Variants in PPARGC1A observed in about 807,000 individuals in gnomAD.
The protein encoded by PPARGC1A is peroxisome proliferator-activated receptor gamma coactivator 1-alpha.
A neutral mutation model predicts 88.7 loss-of-function variants in PPARGC1A; 25 were observed. The ratio of observed to expected loss-of-function variants is 0.28; its 90% CI spans 0.21 to 0.39. PPARGC1A has a LOEUF of 0.39. Ranked by LOEUF, PPARGC1A falls within the 10% of genes least tolerant of loss-of-function variation. The probability of loss-of-function intolerance (pLI) is 1.00; values close to 1 mark genes in which losing one functional copy is unlikely to be tolerated. For synonymous variants in PPARGC1A, 363 were observed against 355.6 expected (o/e 1.02, Z -0.24); for missense variants, 880 against 968.7 (o/e 0.91, Z 1.22).
the PPARGC1A span, among the ~76,000 whole-genome samples, chr4:24,231,713 T>C: frequency 2.0e-5 from 3 of 152,176 alleles, no homozygotes; most frequent in Non-Finnish European, 4.4e-5. Context: ...CCGTTAACCA[T>C]TAGTTGGATA....
At chr4:23,960,779 G>A in the PPARGC1A span, among the ~76,000 whole-genome samples, 544 of 152,010 alleles carry the variant, frequency 3.6e-3, 4 homozygotes, top group African/African-American at 0.013. Context: ...CTGAGGCCTC[G>A]GGCTCCCCTT....
the PPARGC1A span, among the ~76,000 whole-genome samples, chr4:24,201,875 G>A: frequency 6.6e-6 from 1 of 151,418 alleles, no homozygotes; most frequent in Non-Finnish European, 1.5e-5. Flanking sequence ...TTTTTAGCAG[G>A]TGCAAAATAT....
At chr4:24,058,806 G>A in the PPARGC1A span, among the ~76,000 whole-genome samples, 6 of 152,196 alleles carry the variant, frequency 3.9e-5, no homozygotes, top group Middle Eastern at 3.4e-3. Context: ...TTAGCCGGGC[G>A]TGGTGGTGCA....
At chr4:23,997,762 G>A in the PPARGC1A span, among the ~76,000 whole-genome samples, 1 of 152,036 alleles carries the variant, frequency 6.6e-6, no homozygotes, top group Admixed American at 6.6e-5. Flanking sequence ...AAAGTGCTGG[G>A]ATTACAGGCG....
At chr4:23,986,287 G>T in the PPARGC1A span, among the ~76,000 whole-genome samples, 1 of 151,962 alleles carries the variant, frequency 6.6e-6, no homozygotes, top group Non-Finnish European at 1.5e-5. Context: ...ATTAGCTAGG[G>T]GAAAATAGAA....
the PPARGC1A span, among the ~76,000 whole-genome samples, chr4:24,261,761 TA>T: frequency 1.3e-5 from 2 of 151,818 alleles, no homozygotes; most frequent in African/African-American, 4.8e-5. Context: ...TTCTGACTAT[TA>T]AAGGGCCCCT....
At chr4:23,851,862 A>G (rs1293093958) in intron 2 of PPARGC1A, among the ~76,000 whole-genome samples, 9 of 152,188 alleles carry the variant, frequency 5.9e-5, no homozygotes, top group Non-Finnish European at 4.4e-5. Flanking sequence ...TAAGTATACT[A>G]CATCCAGTGC....
chr4:24,162,591 CTT>C, the PPARGC1A span, among the ~76,000 whole-genome samples: 19 of 128,016 alleles, frequency 1.5e-4, no homozygotes, highest in African/African-American at 1.8e-4. Context: ...TCCTTACTTC[CTT>C]TTTTTTTTTT....
chr4:24,120,229 C>G, the PPARGC1A span, among the ~76,000 whole-genome samples: 1 of 152,050 alleles, frequency 6.6e-6, no homozygotes, highest in East Asian at 1.9e-4. Flanking sequence ...TCCCAAACTC[C>G]GAGTCCCAGG....
At chr4:23,923,116 G>GTTTTTTT in the PPARGC1A span, among the ~76,000 whole-genome samples, 4 of 131,686 alleles carry the variant, frequency 3.0e-5, no homozygotes, top group East Asian at 2.2e-4. Context: ...TTTGTTGCTT[G>GTTTTTTT]TTTTTTTTTT....
chr4:24,288,726 G>A, the PPARGC1A span, among the ~76,000 whole-genome samples: 1 of 152,052 alleles, frequency 6.6e-6, no homozygotes, highest in Non-Finnish European at 1.5e-5. Flanking sequence ...TGCACCAACA[G>A]GATAAGAGGA....
the PPARGC1A span, among the ~76,000 whole-genome samples, chr4:24,437,440 T>C: frequency 6.6e-6 from 1 of 152,120 alleles, no homozygotes; most frequent in African/African-American, 2.4e-5. Flanking sequence ...TGCCATAGGC[T>C]TGGTATCCAA....
the PPARGC1A span, among the ~76,000 whole-genome samples, chr4:24,435,021 G>A: frequency 6.6e-6 from 1 of 152,220 alleles, no homozygotes; most frequent in Non-Finnish European, 1.5e-5. Context: ...AAATACGGCA[G>A]GTGACACAGA....
At chr4:24,171,211 T>A in the PPARGC1A span, among the ~76,000 whole-genome samples, 6 of 151,964 alleles carry the variant, frequency 3.9e-5, no homozygotes, top group African/African-American at 7.3e-5. Context: ...ATCGAGACCA[T>A]CCTGGCCAAC....
At chr4:24,068,748 A>T in the PPARGC1A span, among the ~76,000 whole-genome samples, 31 of 152,280 alleles carry the variant, frequency 2.0e-4, no homozygotes, top group African/African-American at 7.5e-4. Flanking sequence ...ATAAGTCTTG[A>T]AGGTGACACT....
At chr4:24,077,502 T>G in the PPARGC1A span, among the ~76,000 whole-genome samples, 1 of 152,158 alleles carries the variant, frequency 6.6e-6, no homozygotes, top group Non-Finnish European at 1.5e-5. Flanking sequence ...TAGCTCCAAG[T>G]AGTGTTTTTT....
chr4:24,079,037 C>G, the PPARGC1A span, among the ~76,000 whole-genome samples: 1,837 of 152,048 alleles, frequency 0.012, 36 homozygotes, highest in African/African-American at 0.041. Flanking sequence ...TAACCATTAA[C>G]CTATCATTGG....
At chr4:24,118,982 G>C in the PPARGC1A span, among the ~76,000 whole-genome samples, 1 of 152,120 alleles carries the variant, frequency 6.6e-6, no homozygotes, top group African/African-American at 2.4e-5. Context: ...CTTAATAGAA[G>C]GTGTTTCTAG....
At chr4:23,894,768 T>C (rs1440630079), upstream of PPARGC1A, among the ~76,000 whole-genome samples, 3 of 152,110 alleles carry the variant, frequency 2.0e-5, no homozygotes, top group African/African-American at 7.2e-5. Flanking sequence ...TAATCTAAAC[T>C]TAAAGCAACA....
Sources: gnomAD v4.1 joint callset for allele counts (sites outside exome capture counted in the v4.1 genomes callset) on GRCh38, gnomAD v4.1.1 for gene constraint, MANE v1.5 for transcripts, NCBI Gene and HGNC (gene_info 2026-07-23, HGNC 2026-07-21) for gene names.